The following CCDC171 variants were observed in gnomAD, a reference collection of about 807,000 sequenced individuals.
CCDC171 encodes the protein coiled-coil domain-containing protein 171.
In CCDC171, 177 loss-of-function variants were observed where a neutral mutation model predicts 168.2. The ratio of observed to expected loss-of-function variants is 1.05; its 90% CI spans 0.93 to 1.19. The LOEUF (loss-of-function observed/expected upper bound fraction) is 1.19, where lower values mean the gene tolerates loss of function less well. Among genes scored for constraint, CCDC171 ranks in the 50% most tolerant of loss-of-function variants. The probability of loss-of-function intolerance (pLI) is 0.00; values close to 1 mark genes in which losing one functional copy is unlikely to be tolerated. For synonymous variants in CCDC171, 687 were observed against 540.8 expected, an observed-to-expected ratio of 1.27 and a Z score of -3.75; for missense variants, 1,991 against 1,539.0, an observed-to-expected ratio of 1.29 and a Z score of -4.91.
chr9:16,058,548 G>A (rs76372267), intron 1 of CCDC171, among the ~76,000 whole-genome samples: 2,653 of 152,314 alleles, frequency 0.017, 36 homozygotes, highest in Non-Finnish European at 0.025. Context: ...AATTTCAGTG[G>A]TACTTCTGCA....
chr9:15,906,262 C>T (rs1589073905), intron 24 of CCDC171, among the ~76,000 whole-genome samples: 1 of 152,178 alleles, frequency 6.6e-6, no homozygotes, highest in East Asian at 1.9e-4. Flanking sequence ...AACATCGATG[C>T]AAAAATCCTC....
chr9:15,986,044 A>G (rs2987021), intron 3 of CCDC171, among the ~76,000 whole-genome samples: 75,254 of 152,060 alleles, frequency 0.49, 20,010 homozygotes, highest in African/African-American at 0.7. Context: ...ACTTCGTAAA[A>G]GAATGAAAGC....
chr9:16,035,922 A>G (rs1833458728), intron 7 of CCDC171, among the ~76,000 whole-genome samples: 1 of 152,288 alleles, frequency 6.6e-6, no homozygotes, highest in South Asian at 2.1e-4. Context: ...CACTATCAAC[A>G]CCTTCCCTGG....
At chr9:15,676,998 A>AT (rs1206435386) in intron 9 of CCDC171, among the ~76,000 whole-genome samples, 2 of 152,082 alleles carry the variant, frequency 1.3e-5, no homozygotes, top group African/African-American at 4.8e-5. Context: ...CTGTAGAATC[A>AT]TTTTTTGTTC....
In CCDC171 at chr9:15,971,979, G is replaced by A; in HGVS notation, c.*143G>A. 1 of 633,412 alleles carries A rather than the reference G, an allele frequency of 1.6e-6. No individual in the cohort carries two copies. 39.2% of individuals were successfully genotyped at this position (633,412 alleles called of 1,614,324 possible). ...TTGTGCGCTATCTTGATGTATTCTGGTAGCTCTGTCTCCTTGAATAAGGAA... is the reference window on the plus strand; with the variant it reads ...TTGTGCGCTATCTTGATGTATTCTGATAGCTCTGTCTCCTTGAATAAGGAA... On this transcript the variant is annotated 3_prime_UTR_variant, in exon 26 of 26. Coordinates refer to ENST00000380701, the MANE Select transcript of CCDC171 (RefSeq NM_173550.4).
chr9:15,625,882 G>A (rs2045045041), intron 7 of CCDC171, among the ~76,000 whole-genome samples: 1 of 152,072 alleles, frequency 6.6e-6, no homozygotes, highest in Non-Finnish European at 1.5e-5. Flanking sequence ...GATGGGGATG[G>A]CATTGAATCT....
At chr9:15,984,588 A>C (rs1009103227) in intron 3 of CCDC171, among the ~76,000 whole-genome samples, 1 of 152,136 alleles carries the variant, frequency 6.6e-6, no homozygotes, top group African/African-American at 2.4e-5. Flanking sequence ...GATATGCGTC[A>C]TGGGGTTATT....
intron 4 of CCDC171, among the ~76,000 whole-genome samples, chr9:16,022,044 G>A (rs1833180107): frequency 6.6e-6 from 1 of 152,182 alleles, no homozygotes; most frequent in African/African-American, 2.4e-5. Flanking sequence ...AGGACCCAGG[G>A]AGAGAGATGA....
chr9:15,664,567 T>TACACACACACCCACACACAC (rs1554744795), intron 8 of CCDC171, among the ~76,000 whole-genome samples: 2 of 143,998 alleles, frequency 1.4e-5, no homozygotes, highest in Non-Finnish European at 3.0e-5. Flanking sequence ...CTTAAATTTA[T>TACACACACACCCACACACAC]ACACACACAC....
intron 6 of CCDC171, among the ~76,000 whole-genome samples, chr9:15,600,135 A>T (rs1282787534): frequency 1.3e-5 from 2 of 152,172 alleles, no homozygotes; most frequent in African/African-American, 4.8e-5. Context: ...TTCTTCTCTC[A>T]ACTCGTCAGT....
chr9:15,674,994 T>C (rs1163651011), intron 9 of CCDC171, among the ~76,000 whole-genome samples: 3 of 152,152 alleles, frequency 2.0e-5, no homozygotes, highest in African/African-American at 7.2e-5. Flanking sequence ...TATGGGAGTC[T>C]AAGTCTCTTT....
At chr9:15,965,416 C>A (rs759758260) in intron 25 of CCDC171, among the ~76,000 whole-genome samples, 2 of 152,132 alleles carry the variant, frequency 1.3e-5, no homozygotes, top group East Asian at 3.9e-4. Context: ...AATGGTCAAG[C>A]GTATGAATAG....
At chr9:15,591,639 TTCCTTCCTTCCTTTTTCCTTCC>T in intron 5 of CCDC171, 83 bp downstream of exon 5, 1 of 797,216 alleles carries the variant, frequency 1.3e-6, no homozygotes, top group South Asian at 2.0e-5. Context: ...TATCCTGGAT[TTCCTTCCTTCCTTTTTCCTTCC>T]TCCTTCCTTC....
At chr9:15,661,801 G>T (rs6474940) in intron 8 of CCDC171, among the ~76,000 whole-genome samples, 2,509 of 152,214 alleles carry the variant, frequency 0.016, 73 homozygotes, top group African/African-American at 0.056. Flanking sequence ...GATTGAGTGT[G>T]CTTATTTTCT....
At chr9:15,902,332 G>T (rs1821820486) in intron 24 of CCDC171, among the ~76,000 whole-genome samples, 1 of 151,464 alleles carries the variant, frequency 6.6e-6, no homozygotes, top group South Asian at 2.1e-4. Flanking sequence ...TCTAGCCACA[G>T]TGTCTTTTGA....
the CCDC171 span, among the ~76,000 whole-genome samples, chr9:16,074,355 CAG>C: frequency 1.3e-5 from 2 of 152,160 alleles, no homozygotes; most frequent in African/African-American, 4.8e-5. Flanking sequence ...GGGGAGTGGG[CAG>C]AGACAGAGTT....
intron 7 of CCDC171, among the ~76,000 whole-genome samples, chr9:15,633,678 A>T (rs1297601127): frequency 2.0e-5 from 3 of 152,230 alleles, no homozygotes; most frequent in Non-Finnish European, 4.4e-5. Context: ...TACTGGGTAT[A>T]TACCGAAAGG....
chr9:15,716,333 T>A (rs2053085529), intron 11 of CCDC171, among the ~76,000 whole-genome samples: 1 of 152,174 alleles, frequency 6.6e-6, no homozygotes, highest in African/African-American at 2.4e-5. Flanking sequence ...TCTTTGTGAG[T>A]TTTTAAACCT....
At chr9:15,640,096 A>G (rs2046486851) in intron 7 of CCDC171, among the ~76,000 whole-genome samples, 1 of 152,184 alleles carries the variant, frequency 6.6e-6, no homozygotes, top group African/African-American at 2.4e-5. Context: ...TATCAATGAG[A>G]TCATCATGAA....
Sources: allele counts gnomAD v4.1 joint callset (sites outside exome capture counted in the v4.1 genomes callset), GRCh38; gene constraint gnomAD v4.1.1; transcripts MANE v1.5; gene names NCBI Gene and HGNC (gene_info 2026-07-23, HGNC 2026-07-21).